Variants in ZNF512B observed in about 807,000 individuals in gnomAD.
ZNF512B encodes zinc finger protein 512B.
Under a neutral mutation model 87.8 loss-of-function variants are expected in ZNF512B, and 22 were observed. The observed-to-expected ratio is 0.25, with a 90% CI of 0.18 to 0.36. The LOEUF (loss-of-function observed/expected upper bound fraction) is 0.36. Among genes scored for constraint, ZNF512B ranks in the 10% least tolerant of loss-of-function variants. The pLI is 1.00. For missense variants in ZNF512B, 1,060 were observed against 1,231.6 expected (o/e 0.86, Z 2.09); for synonymous variants, 524 against 490.9 (o/e 1.07, Z -0.89).
intron 1 of ZNF512B, among the ~76,000 whole-genome samples, chr20:63,968,568 C>T (rs2058950784): frequency 6.6e-6 from 1 of 152,192 alleles, no homozygotes; most frequent in South Asian, 2.1e-4. Flanking sequence ...GGAAAACAGC[C>T]AAGGTGGGCA....
At chr20:63,968,791 A>G (rs1057157679) in intron 1 of ZNF512B, among the ~76,000 whole-genome samples, 1 of 152,264 alleles carries the variant, frequency 6.6e-6, no homozygotes, top group African/African-American at 2.4e-5. Context: ...GTGAAGGCCC[A>G]GGATGCTGGC....
rs1442494714 is a variant in ZNF512B, at chr20:63,963,455, A to T, written c.1699-15T>A. 1 of 1,546,170 alleles carries T rather than the reference A, an allele frequency of 6.5e-7. No homozygotes were observed. The highest frequency in any genetic ancestry group is 8.7e-7 in the Non-Finnish European group (1 of 1,150,092). On this transcript the variant is annotated splice_polypyrimidine_tract_variant and intron_variant, in intron 10 of 16. Coordinates refer to ENST00000369888, the MANE Select transcript of ZNF512B (RefSeq NM_020713.3). ...GCGTCAGAGGGCTGGGGACAGGGTGAGCATCGGTGACCCGGCACCATCGCC... is the reference window on the plus strand; with the variant it reads ...GCGTCAGAGGGCTGGGGACAGGGTGTGCATCGGTGACCCGGCACCATCGCC...
At position 63,962,630 on chromosome 20, in the gene ZNF512B, G is replaced by C; in HGVS notation, c.2120C>G (p.Thr707Ser). The C allele has an allele frequency of 6.2e-7, 1 of 1,607,720 alleles. No individual in the cohort carries two copies. The highest frequency in any genetic ancestry group is 8.5e-7 in the Non-Finnish European group (1 of 1,178,800). ...AAGGTCATCCTTCATGCGCCGCTTG[G>C]TCCAGTCGCGGGCCAGCTCGTCCTC... ...IAEDELARDW[T>S]KRRMKDDLVP... Residue 707 changes from threonine (T) to serine (S), a missense_variant, in exon 13 of 17, where the codon ACC (threonine) becomes AGC (serine). This residue lies in a region of ZNF512B where 253 missense variants were observed against 259.2 expected (regional missense o/e 0.98). Transcript: ENST00000369888.
chr20:63,962,108 G>T, intron 14 of ZNF512B, 104 bp from the exon 15 acceptor site: 1 of 1,378,942 alleles, frequency 7.3e-7, no homozygotes, highest in Non-Finnish European at 1.0e-6. Context: ...TGGGGCAAGT[G>T]AGGGGGTGTG....
At position 63,967,510 on chromosome 20, in the gene ZNF512B, G is replaced by A. The variant is rs2058940502; in HGVS notation, c.135C>T (p.Val45=). The A allele has an allele frequency of 2.5e-6, 4 of 1,603,880 alleles. No individual in the cohort carries two copies. Among genetic ancestry groups the A allele is most frequent in the South Asian group, 1.1e-5 (1 of 90,428 alleles). The change falls in exon 3 of 17, where the codon GTC becomes GTT. Residue 45 remains valine (V), a synonymous_variant. Coordinates refer to ENST00000369888, the MANE Select transcript of ZNF512B (RefSeq NM_020713.3). ...HDPPKMGMPV[V]RGGQTVPGQA... is the part of the protein sequence containing the mutation. ...GGCCGGGCACTGTCTGTCCACCACG[G>A]ACCACCGGCATCCCTGCAGCACACA...
Position 63,959,861 on chromosome 20 carries a change from A to G in ZNF512B, c.*27T>C. ...GAACAGAGGGCGGTGTGGCGGCTGC[A>G]TGGGGGCCAGGCCCCACGCACCATG... On this transcript the variant is annotated 3_prime_UTR_variant, in exon 17 of 17. Coordinates refer to ENST00000369888, the MANE Select transcript of ZNF512B (RefSeq NM_020713.3). 3.9e-6 allele frequency: 6 copies of G among 1,530,642 alleles called. No individual in the cohort carries two copies. Among genetic ancestry groups the G allele is most frequent in the Non-Finnish European group, 5.2e-6 (6 of 1,148,380 alleles). The allele number at this position is 1,530,642 out of a possible 1,614,324, so 94.8% of individuals were successfully genotyped here. A position where few individuals can be genotyped will look rare whatever the true frequency, so the allele number is the denominator to read the frequency against.
At chr20:63,960,655 G>A (rs1239979489) in intron 16 of ZNF512B, among the ~76,000 whole-genome samples, 1 of 131,374 alleles carries the variant, frequency 7.6e-6, no homozygotes, top group Non-Finnish European at 1.6e-5. Context: ...CACAGCCTTC[G>A]GGACCAGGCA....
chr20:63,969,858 G>A lies in ZNF512B; in HGVS notation c.-47C>T, dbSNP rs1380267343. 6 of 144,806 alleles carry A rather than the reference G, an allele frequency of 4.1e-5. No individual in the cohort carries two copies. The highest frequency in any genetic ancestry group is 4.0e-4 in the East Asian group (2 of 4,940). 9.0% of individuals were successfully genotyped at this position (144,806 alleles called of 1,614,324 possible). ...TGCGGCCGGGCCGGGCCGGGCCGGG[G>A]CGGGGGGCGCGGGGCGCGGGGCGCT... On this transcript the variant is annotated 5_prime_UTR_variant, in exon 1 of 17. Transcript: ENST00000369888.
At chr20:63,962,847 C>T (rs531780127) in intron 12 of ZNF512B, 66 bp from the exon 13 acceptor site, 19 of 1,458,312 alleles carry the variant, frequency 1.3e-5, no homozygotes, top group South Asian at 1.2e-4. Context: ...CAGCGCGCGG[C>T]GAGGCCACCC....
rs573074010 is a variant in ZNF512B, at chr20:63,966,362, A to C, written c.813T>G (p.Pro271=). The C allele has an allele frequency of 6.9e-6, 11 of 1,593,024 alleles. No homozygotes were observed. Among genetic ancestry groups the C allele is most frequent in the Admixed American group, 3.4e-5 (2 of 58,314 alleles). The change falls in exon 5 of 17, where the codon CCT becomes CCG. Residue 271 remains proline (P), a synonymous_variant. Coordinates refer to ENST00000369888, the MANE Select transcript of ZNF512B (RefSeq NM_020713.3). Reference sequence around the variant, plus strand: ...TTGTTACCGTAATGGGTTTGGTGACAGGTACGGGTTTGGTGACCGGCACAG... The same window carrying C: ...TTGTTACCGTAATGGGTTTGGTGACCGGTACGGGTTTGGTGACCGGCACAG... ...TKSVPVTKPV[P]VTKPITVTKL... is the part of the protein sequence containing the mutation.
rs1170610724 is a variant in ZNF512B at position 63,961,211 on chromosome 20, A to G, written c.2427+98T>C. The G allele has an allele frequency of 2.8e-6, 3 of 1,075,956 alleles. No homozygotes were observed. Among genetic ancestry groups the G allele is most frequent in the South Asian group, 1.3e-5 (1 of 77,438 alleles). The allele number at this position is 1,075,956 out of a possible 1,614,324, so 66.7% of individuals were successfully genotyped here. A position where few individuals can be genotyped will look rare whatever the true frequency, so the allele number is the denominator to read the frequency against. On this transcript the variant is annotated intron_variant, in intron 16 of 16. Transcript: ENST00000369888. This position sits in a 1 kb window ranked among gnomAD's most constrained non-coding sequence, Gnocchi z 6.4. ...CCACTCTCCCAGGCACACCCCATGC[A>G]GGCCACTGACCTCTCTACCCCCAAG...
At chr20:63,960,197 G>A in intron 16 of ZNF512B, 58 bp from the exon 17 acceptor site, 1 of 1,598,872 alleles carries the variant, frequency 6.3e-7, no homozygotes, top group Admixed American at 1.7e-5. Context: ...ACCTGAGCCA[G>A]GCATAGCCTG....
chr20:63,967,354 C>A, intron 3 of ZNF512B, 27 bp downstream of exon 3: 2 of 1,568,984 alleles, frequency 1.3e-6, no homozygotes, highest in Admixed American at 1.8e-5. Flanking sequence ...CCAGCATGAG[C>A]CCCACCATGG....
Position 63,966,420 on chromosome 20 carries a change from A to G in ZNF512B, c.755T>C (p.Met252Thr). 1 of 1,613,728 alleles carries G rather than the reference A, an allele frequency of 6.2e-7. No homozygotes were observed. Among genetic ancestry groups the G allele is most frequent in the South Asian group, 1.1e-5 (1 of 91,052 alleles). ...GACTGTGATGGGTTTGGTGACCGGC[A>G]TGGCCTTGGTGACGGGCATGGGCCT... ...VSRPMPVTKA[M>T]PVTKPITVTK... is the part of the protein sequence containing the mutation. The change falls in exon 5 of 17, where the codon ATG (methionine) becomes ACG (threonine). Residue 252 changes from methionine (M) to threonine (T), a missense_variant. Physicochemically the swap from Met to Thr is moderately conservative, Grantham distance 81. This residue lies in a region of ZNF512B where 201 missense variants were observed against 226.8 expected (regional missense o/e 0.89). Coordinates refer to ENST00000369888, the MANE Select transcript of ZNF512B (RefSeq NM_020713.3).
chr20:63,959,746 G>T lies in ZNF512B; in HGVS notation c.*142C>A. 1 of 1,279,184 alleles carries T rather than the reference G, an allele frequency of 7.8e-7. No individual in the cohort carries two copies. The allele number at this position is 1,279,184 out of a possible 1,614,324, so 79.2% of individuals were successfully genotyped here. A position where few individuals can be genotyped will look rare whatever the true frequency, so the allele number is the denominator to read the frequency against. On this transcript the variant is annotated 3_prime_UTR_variant, in exon 17 of 17. Transcript: ENST00000369888. ...GGAAGGGCCACCTTCAGGGAAGGGA[G>T]AGTGGCTGGCTGCCCCACTGGACGG...
rs750869003 is a variant in ZNF512B at position 63,959,151 on chromosome 20, GT to G, written c.*736del. ...GCATCAAGCTTCTGCTGCCCTGTAG[GT>G]ACAAGAAGCAAAACCCCTCCCTTGC... On this transcript the variant is annotated 3_prime_UTR_variant, in exon 17 of 17. Coordinates refer to ENST00000369888, the MANE Select transcript of ZNF512B (RefSeq NM_020713.3). The G allele has an allele frequency of 1.3e-5, 2 of 152,660 alleles. No homozygotes were observed. Among genetic ancestry groups the G allele is most frequent in the Non-Finnish European group, 2.9e-5 (2 of 68,268 alleles). The allele number at this position is 152,660 out of a possible 1,614,324, so 9.5% of individuals were successfully genotyped here. A position where few individuals can be genotyped will look rare whatever the true frequency, so the allele number is the denominator to read the frequency against.
intron 3 of ZNF512B, 39 bp from the exon 4 acceptor site, chr20:63,967,043 A>C: frequency 6.2e-7 from 1 of 1,610,342 alleles, no homozygotes; most frequent in Non-Finnish European, 8.5e-7. Context: ...ACCCGCAGCC[A>C]CCTGGGCCAC....
intron 2 of ZNF512B, 86 bp downstream of exon 2, chr20:63,967,744 A>G: frequency 6.4e-7 from 1 of 1,554,804 alleles, no homozygotes; most frequent in Non-Finnish European, 8.7e-7. Flanking sequence ...GGGTACCTGG[A>G]GACAGGACGC....
chr20:63,964,887 C>T lies in ZNF512B; in HGVS notation c.1035-171G>A, dbSNP rs1468891462. ...ACCTTTTCTTACCACTGTTCCCTGA[C>T]CTGGGACGAGCCCCCATACCTTTTC... On this transcript the variant is annotated intron_variant, in intron 5 of 16. Coordinates refer to ENST00000369888, the MANE Select transcript of ZNF512B (RefSeq NM_020713.3). 1.0e-4 allele frequency among the ~76,000 whole-genome samples: 4 copies of T among 40,160 alleles called. 2 individuals carry two copies. The highest frequency in any genetic ancestry group is 2.3e-4 in the Non-Finnish European group (4 of 17,178). 26.3% of individuals were successfully genotyped at this position (40,160 alleles called of 152,430 possible).
Sources: gnomAD v4.1 joint callset for allele counts (sites outside exome capture counted in the v4.1 genomes callset) on GRCh38, gnomAD v4.1.1 for gene constraint, gnomAD v4.1.1 regional missense constraint, Gnocchi (gnomAD v3.1) non-coding constraint, MANE v1.5 for transcripts, NCBI Gene and HGNC (gene_info 2026-07-23, HGNC 2026-07-21) for gene names.